DNM1: variants seen among roughly 807,000 people sequenced by gnomAD.
DNM1 encodes the protein dynamin-1.
Under a neutral mutation model 104.6 loss-of-function variants are expected in DNM1, and 29 were observed. The observed-to-expected ratio is 0.28, with a 90% CI of 0.21 to 0.38. The LOEUF (loss-of-function observed/expected upper bound fraction) is 0.38, where lower values mean the gene tolerates loss of function less well. Ranked by LOEUF, DNM1 falls within the 10% of genes least tolerant of loss-of-function variation. The pLI is 1.00. For missense variants in DNM1, 640 were observed against 1,189.4 expected (o/e 0.54, Z 6.79); for synonymous variants, 445 against 475.8 (o/e 0.94, Z 0.84).
chr9:128,218,681 A>C lies in DNM1; in HGVS notation c.335A>C (p.Asn112Thr). 1 of 1,612,872 alleles carries C rather than the reference A, an allele frequency of 6.2e-7. No individual in the cohort carries two copies. Among genetic ancestry groups the C allele is most frequent in the Non-Finnish European group, 8.5e-7 (1 of 1,179,212 alleles). The change falls in exon 3 of 22, where the codon AAC (asparagine) becomes ACC (threonine). Residue 112 changes from asparagine (N) to threonine (T), a missense_variant. Coordinates refer to ENST00000372923, the MANE Select transcript of DNM1 (RefSeq NM_004408.4). This position sits in a 1 kb window ranked among gnomAD's most constrained non-coding sequence, Gnocchi z 4.8. ...GAGACCGACAGGGTCACCGGCACCA[A>C]CAAGGGCATCTCGCCGGTGCCTATC... ...EAETDRVTGT[N>T]KGISPVPINL...
At chr9:128,235,182 C>T (rs1564342646) in intron 11 of DNM1, among the ~76,000 whole-genome samples, 1 of 152,070 alleles carries the variant, frequency 6.6e-6, no homozygotes, top group Non-Finnish European at 1.5e-5. Flanking sequence ...CAGGACCATC[C>T]GTATTGTAGC....
chr9:128,234,663 C>T (rs1468429521), intron 11 of DNM1, among the ~76,000 whole-genome samples: 2 of 152,150 alleles, frequency 1.3e-5, no homozygotes, highest in Non-Finnish European at 2.9e-5. Flanking sequence ...CGTGAGCCAC[C>T]GCGCCTGGCC....
intron 14 of DNM1, among the ~76,000 whole-genome samples, chr9:128,241,725 T>C (rs141449137): frequency 4.6e-5 from 7 of 152,304 alleles, no homozygotes; most frequent in African/African-American, 1.7e-4. Flanking sequence ...TCCTGATTTA[T>C]ACTGGGGGAC....
At chr9:128,229,688 G>C (rs921267759) in intron 10 of DNM1, among the ~76,000 whole-genome samples, 1 of 151,614 alleles carries the variant, frequency 6.6e-6, no homozygotes, top group Admixed American at 6.6e-5. Context: ...GCCGAGGCAG[G>C]TGGATCACCT....
At chr9:128,231,910 G>A in intron 10 of DNM1, 1 of 429,392 alleles carries the variant, frequency 2.3e-6, no homozygotes. Context: ...CTGTGTCCCT[G>A]ACTGCTAACC....
At chr9:128,228,883 T>G (rs1835496262) in intron 10 of DNM1, among the ~76,000 whole-genome samples, 1 of 151,868 alleles carries the variant, frequency 6.6e-6, no homozygotes, top group South Asian at 2.1e-4. Flanking sequence ...CTCAGGAGGC[T>G]GAGGGAGGAG....
rs1383801288 is a variant in DNM1, at chr9:128,253,663, C to G, written c.2535-991C>G. ...GGTGAGAGTCAGGGTCCCACCTCCTCTATCTGCCGGCAATCCAGTGGTGAC... is the reference window on the plus strand; with the variant it reads ...GGTGAGAGTCAGGGTCCCACCTCCTGTATCTGCCGGCAATCCAGTGGTGAC... On this transcript the variant is annotated intron_variant, in intron 21 of 21. Transcript: ENST00000372923. The surrounding 1 kb of genome is among the most constrained non-coding windows in gnomAD (Gnocchi z 5.9). 4.4e-6 allele frequency: 1 copy of G among 225,036 alleles called. No individual in the cohort carries two copies. Among genetic ancestry groups the G allele is most frequent in the Non-Finnish European group, 8.6e-6 (1 of 116,096 alleles). 13.9% of individuals were successfully genotyped at this position (225,036 alleles called of 1,614,324 possible). A position where few individuals can be genotyped will look rare whatever the true frequency, so the allele number is the denominator to read the frequency against.
Position 128,219,264 on chromosome 9 carries a change from C to T in DNM1, c.589+12C>T. ...GGTGGACCCCCAGGGTAGGTTCCCA[C>T]CCGGTGGCCAATGCACAAAACCCCA... On this transcript the variant is annotated intron_variant, in intron 4 of 21. Transcript: ENST00000372923. The T allele has an allele frequency of 6.2e-7, 1 of 1,612,780 alleles. No homozygotes were observed. Among genetic ancestry groups the T allele is most frequent in the Middle Eastern group, 1.7e-4 (1 of 6,060 alleles).
At chr9:128,219,839 C>T in intron 4 of DNM1, 149 bp from the exon 5 acceptor site, 1 of 573,774 alleles carries the variant, frequency 1.7e-6, no homozygotes. Flanking sequence ...ATCATTTTGG[C>T]TACTCTGTGG....
chr9:128,219,910 G>A, intron 4 of DNM1, 78 bp from the exon 5 acceptor site: 1 of 1,182,172 alleles, frequency 8.5e-7, no homozygotes, highest in South Asian at 1.5e-5. Flanking sequence ...GGAGAGCAGG[G>A]GGATGGGAGT....
At chr9:128,232,074 G>T (rs1564340244) in intron 10 of DNM1, 1 of 455,834 alleles carries the variant, frequency 2.2e-6, no homozygotes, top group Non-Finnish European at 4.4e-6. Context: ...GGTGGAGGCT[G>T]CCCTGCCATG....
chr9:128,237,731 G>A (rs1311837899), intron 11 of DNM1, among the ~76,000 whole-genome samples: 4 of 152,148 alleles, frequency 2.6e-5, no homozygotes, highest in East Asian at 3.9e-4. Context: ...CTTGATGAGT[G>A]TATCTGTGAG....
intron 1 of DNM1, among the ~76,000 whole-genome samples, chr9:128,210,512 G>A (rs930232865): frequency 4.0e-5 from 6 of 151,896 alleles, no homozygotes; most frequent in African/African-American, 1.5e-4. Flanking sequence ...ACAGGCACCC[G>A]CCATCATGCC....
chr9:128,210,509 C>T (rs1353816648), intron 1 of DNM1, among the ~76,000 whole-genome samples: 1 of 152,020 alleles, frequency 6.6e-6, no homozygotes, highest in South Asian at 2.1e-4. Context: ...CTAACAGGCA[C>T]CCGCCATCAT....
rs1339384374 is a variant in DNM1 at position 128,224,414 on chromosome 9, C to A, written c.1335+25C>A. The A allele has an allele frequency of 6.2e-7, 1 of 1,600,220 alleles. No homozygotes were observed. The highest frequency in any genetic ancestry group is 2.2e-5 in the East Asian group (1 of 44,620). ...GGTAACCCGGAGGCCCGGGCCAGCC[C>A]CCACCGCCTCTGCCCCGCCCTGCAC... On this transcript the variant is annotated intron_variant, in intron 10 of 21. Coordinates refer to ENST00000372923, the MANE Select transcript of DNM1 (RefSeq NM_004408.4). This position sits in a 1 kb window ranked among gnomAD's most constrained non-coding sequence, Gnocchi z 4.3.
At chr9:128,217,502 C>T (rs914497171) in intron 1 of DNM1, among the ~76,000 whole-genome samples, 1 of 152,128 alleles carries the variant, frequency 6.6e-6, no homozygotes, top group South Asian at 2.1e-4. Context: ...CCGTAACCTC[C>T]GCCTCCCGGG....
intron 1 of DNM1, among the ~76,000 whole-genome samples, chr9:128,206,889 T>G (rs12380222): frequency 0.34 from 52,138 of 151,224 alleles, 9,680 homozygotes; most frequent in African/African-American, 0.47. Flanking sequence ...GGGTGTGACT[T>G]GGGGAGCGGG....
At chr9:128,223,124 G>A (rs1835121483) in intron 9 of DNM1, 1 of 482,548 alleles carries the variant, frequency 2.1e-6, no homozygotes, top group East Asian at 3.8e-5. Flanking sequence ...TCTGGGGCTG[G>A]GCCCATCCCC....
intron 1 of DNM1, among the ~76,000 whole-genome samples, chr9:128,215,411 G>A (rs547461535): frequency 6.6e-6 from 1 of 152,380 alleles, no homozygotes; most frequent in African/African-American, 2.4e-5. Context: ...GCATTCTGAT[G>A]CAGGCCGCGT....
Sources: gnomAD v4.1 joint callset for allele counts (sites outside exome capture counted in the v4.1 genomes callset) on GRCh38, gnomAD v4.1.1 for gene constraint, Gnocchi (gnomAD v3.1) non-coding constraint, MANE v1.5 for transcripts, NCBI Gene and HGNC (gene_info 2026-07-23, HGNC 2026-07-21) for gene names.